Variants in CCDC22 observed in about 807,000 individuals in gnomAD.
CCDC22 encodes the protein coiled-coil domain-containing protein 22.
A neutral mutation model predicts 53.1 loss-of-function variants in CCDC22; 4 were observed. The ratio of observed to expected loss-of-function variants is 0.08; its 90% CI spans 0.04 to 0.17. CCDC22 has a LOEUF of 0.17. Among genes scored for constraint, CCDC22 ranks in the 10% least tolerant of loss-of-function variants. The probability of loss-of-function intolerance (pLI) is 1.00; values close to 1 mark genes in which losing one functional copy is unlikely to be tolerated. For synonymous variants in CCDC22, 222 were observed against 224.4 expected, an observed-to-expected ratio of 0.99 and a Z score of 0.10; for missense variants, 458 against 554.0, an observed-to-expected ratio of 0.83 and a Z score of 1.74.
At chrX:49,249,612 T>TGGTGGGGGGGGGGG in intron 15 of CCDC22, 39 bp from the exon 16 acceptor site, 1 of 146,057 alleles carries the variant, frequency 6.8e-6, no homozygotes, top group Non-Finnish European at 1.3e-5. Context: ...TGGGGGTGGG[T>TGGTGGGGGGGGGGG]GGGACTGGGT....
intron 6 of CCDC22, among the ~76,000 whole-genome samples, chrX:49,245,826 T>A (rs2065986331): frequency 8.9e-6 from 1 of 112,467 alleles, no homozygotes; most frequent in Non-Finnish European, 1.9e-5. Context: ...ATCTCAGACA[T>A]CATGTCATTT....
At position 49,243,273 on chromosome X, in the gene CCDC22, C is replaced by T; in HGVS notation, c.536-11C>T. 1 of 1,199,595 alleles carries T rather than the reference C, an allele frequency of 8.3e-7. No homozygotes were observed. Among genetic ancestry groups the T allele is most frequent in the East Asian group, 3.0e-5 (1 of 33,581 alleles). On this transcript the variant is annotated splice_polypyrimidine_tract_variant and intron_variant, in intron 5 of 16. Coordinates refer to ENST00000376227, the MANE Select transcript of CCDC22 (RefSeq NM_014008.5). ...TGCGGCAGGGCCAGCTGACTCTGTT[C>T]CTGCCTCCAGAGCCACGGGAGTTCC...
In CCDC22 at chrX:49,247,119, G is replaced by A. The variant is rs980656210; in HGVS notation, c.909+194G>A. On this transcript the variant is annotated intron_variant, in intron 7 of 16. Transcript: ENST00000376227. ...GACTTGACTGGAGAAAATGTGGATAGGTGGGAACCATGCAAAGGTGTGGGG... is the reference window on the plus strand; with the variant it reads ...GACTTGACTGGAGAAAATGTGGATAAGTGGGAACCATGCAAAGGTGTGGGG... The A allele has an allele frequency of 2.2e-5, 10 of 450,697 alleles. No homozygotes were observed. The African/African-American group carries it at 2.4e-4, about 11-fold the overall frequency. 37.1% of individuals were successfully genotyped at this position (450,697 alleles called of 1,213,427 possible). A position where few individuals can be genotyped will look rare whatever the true frequency, so the allele number is the denominator to read the frequency against.
Position 49,240,209 on chromosome X carries a change from C to T in CCDC22, c.229-1807C>T, listed in dbSNP as rs1229056694. ...TCCAGGCTGCAGTGGGCTGTGATTG[C>T]GCCACTGCACTCTAGCTTGGGAAAC... On this transcript the variant is annotated intron_variant, in intron 2 of 16. Transcript: ENST00000376227. Among the ~76,000 whole-genome samples the T allele has an allele frequency of 4.0e-5, 4 of 100,229 alleles. No homozygotes were observed. The South Asian group carries it at 2.0e-3, about 50-fold the overall frequency. 87.0% of individuals were successfully genotyped at this position (100,229 alleles called of 115,157 possible).
Position 49,248,747 on chromosome X carries a change from T to G in CCDC22, c.1431+13T>G. On this transcript the variant is annotated intron_variant, in intron 12 of 16. Coordinates refer to ENST00000376227, the MANE Select transcript of CCDC22 (RefSeq NM_014008.5). ...CTATAAGCAGCTGGTAAGGCCTGTG[T>G]GAGGGACCTGGGTAGCTTAGGAGGG... 1 of 1,207,827 alleles carries G rather than the reference T, an allele frequency of 8.3e-7. No individual in the cohort carries two copies. The highest frequency in any genetic ancestry group is 2.2e-5 in the Admixed American group (1 of 45,553).
At chrX:49,235,851 A>G (rs926076734) in intron 1 of CCDC22, among the ~76,000 whole-genome samples, 165 bp downstream of exon 1, 247 of 100,434 alleles carry the variant, frequency 2.5e-3, no homozygotes, top group African/African-American at 7.1e-3. Flanking sequence ...ACACACACAC[A>G]CACACACACA....
Position 49,237,274 on chromosome X carries a change from C to T in CCDC22, c.228+11C>T, listed in dbSNP as rs1355306432. 1.7e-6 allele frequency: 2 copies of T among 1,186,764 alleles called. No homozygotes were observed. The highest frequency in any genetic ancestry group is 2.3e-6 in the Non-Finnish European group (2 of 879,043). ...GCTCAGGCCTGCATGGTGAGTGGCC[C>T]TCCTCCTAATGCACACATCCTCTTT... On this transcript the variant is annotated intron_variant, in intron 2 of 16. Transcript: ENST00000376227.
At position 49,243,481 on chromosome X, in the gene CCDC22, C is replaced by T. The variant is rs1557113751; in HGVS notation, c.714+19C>T. Reference sequence around the variant, plus strand: ...ACCCCAGGTACAGCCAGATGCCTGGCTCCCTGCTGTCTGGGCTGCTGCTCA... The same window carrying T: ...ACCCCAGGTACAGCCAGATGCCTGGTTCCCTGCTGTCTGGGCTGCTGCTCA... On this transcript the variant is annotated intron_variant, in intron 6 of 16. Coordinates refer to ENST00000376227, the MANE Select transcript of CCDC22 (RefSeq NM_014008.5). 2 of 1,127,273 alleles carry T rather than the reference C, an allele frequency of 1.8e-6. No homozygotes were observed. Among genetic ancestry groups the T allele is most frequent in the Non-Finnish European group, 2.4e-6 (2 of 845,685 alleles). 92.9% of individuals were successfully genotyped at this position (1,127,273 alleles called of 1,213,427 possible).
Position 49,235,611 on chromosome X carries a change from GC to G in CCDC22, c.-21del, listed in dbSNP as rs1557112505. On this transcript the variant is annotated 5_prime_UTR_variant, in exon 1 of 17. Coordinates refer to ENST00000376227, the MANE Select transcript of CCDC22 (RefSeq NM_014008.5). ...TTTCTCGGACCCGGTCCTGGACCCA[GC>G]CCCCGACTCCGACACGGCTCCACCA... is the stretch of plus-strand genomic sequence containing the variant. The G allele has an allele frequency of 1.7e-6, 2 of 1,167,029 alleles. No homozygotes were observed. Among genetic ancestry groups the G allele is most frequent in the African/African-American group, 1.8e-5 (1 of 56,235 alleles).
chrX:49,235,742 AG>A, intron 1 of CCDC22, 56 bp downstream of exon 1: 1 of 1,044,522 alleles, frequency 9.6e-7, no homozygotes, highest in Non-Finnish European at 1.3e-6. Flanking sequence ...TCTAAAGCCC[AG>A]GACCCCGTTT....
intron 13 of CCDC22, 116 bp from the exon 14 acceptor site, chrX:49,249,051 C>A: frequency 1.8e-6 from 2 of 1,114,965 alleles, no homozygotes; most frequent in Non-Finnish European, 2.4e-6. Context: ...CACACACAAT[C>A]CATCCCAGTC....
chrX:49,237,577 G>A (rs1191764942), intron 2 of CCDC22, among the ~76,000 whole-genome samples: 2 of 111,216 alleles, frequency 1.8e-5, no homozygotes, highest in Non-Finnish European at 3.8e-5. Context: ...AGGAGCAAAT[G>A]AGTTTATCCA....
Position 49,250,322 on chromosome X carries a change from T to A in CCDC22, c.*61T>A. ...CAGGGATTTGGGGTGCTGGAGGCAGTGGCCAAGCACATGCCCTAGCTACTT... is the reference window on the plus strand; with the variant it reads ...CAGGGATTTGGGGTGCTGGAGGCAGAGGCCAAGCACATGCCCTAGCTACTT... On this transcript the variant is annotated 3_prime_UTR_variant, in exon 17 of 17. Coordinates refer to ENST00000376227, the MANE Select transcript of CCDC22 (RefSeq NM_014008.5). 1.6e-6 allele frequency: 1 copy of A among 637,389 alleles called. No individual in the cohort carries two copies. The highest frequency in any genetic ancestry group is 2.6e-6 in the Non-Finnish European group (1 of 390,579). 52.5% of individuals were successfully genotyped at this position (637,389 alleles called of 1,213,427 possible).
At chrX:49,243,917 T>C (rs782223409) in intron 6 of CCDC22, among the ~76,000 whole-genome samples, 5 of 112,393 alleles carry the variant, frequency 4.4e-5, no homozygotes, top group Non-Finnish European at 9.4e-5. Flanking sequence ...GCCTCCCAAG[T>C]AGCTGGGATT....
chrX:49,247,620 C>T (rs781956645), intron 8 of CCDC22, 29 bp from the exon 9 acceptor site: 15 of 1,185,687 alleles, frequency 1.3e-5, no homozygotes, highest in Non-Finnish European at 1.7e-5. Flanking sequence ...GGCCTGACAC[C>T]CCAACCCTGA....
At chrX:49,242,435 G>A (rs2065968598) in intron 3 of CCDC22, 1 of 462,400 alleles carries the variant, frequency 2.2e-6, no homozygotes, top group African/African-American at 2.7e-5. Flanking sequence ...AACCACTTGG[G>A]CCTCCTGGGT....
chrX:49,249,769 G>T (rs1471790796), intron 16 of CCDC22, 44 bp downstream of exon 16: 1 of 1,046,636 alleles, frequency 9.6e-7, no homozygotes, highest in African/African-American at 1.8e-5. Context: ...GGGCCGGGGG[G>T]ACAGTTCCTC....
chrX:49,246,367 C>T (rs1557114163), intron 6 of CCDC22, among the ~76,000 whole-genome samples: 1 of 112,397 alleles, frequency 8.9e-6, no homozygotes, highest in African/African-American at 3.2e-5. Context: ...CTCTCTCTCT[C>T]TGCCTCTTTC....
intron 5 of CCDC22, 39 bp from the exon 6 acceptor site, chrX:49,243,245 C>T: frequency 8.3e-7 from 1 of 1,199,099 alleles, no homozygotes; most frequent in Non-Finnish European, 1.1e-6. Context: ...CATAGCGTTG[C>T]CATGCGGCAG....
Sources: allele counts gnomAD v4.1 joint callset (sites outside exome capture counted in the v4.1 genomes callset), GRCh38; gene constraint gnomAD v4.1.1; transcripts MANE v1.5; gene names NCBI Gene and HGNC (gene_info 2026-07-23, HGNC 2026-07-21).